DACH2: variants seen among roughly 807,000 people sequenced by gnomAD.
The protein encoded by DACH2 is dachshund family transcription factor 2, also known as dachshund homolog 2.
A neutral mutation model predicts 35.8 loss-of-function variants in DACH2; 17 were observed. The ratio of observed to expected loss-of-function variants is 0.48; its 90% CI spans 0.33 to 0.71. The LOEUF is 0.71. Ranked by LOEUF, DACH2 falls within the 30% of genes least tolerant of loss-of-function variation. DACH2 has a pLI of 0.02. For missense variants in DACH2, 469 were observed against 472.7 expected (o/e 0.99, Z 0.07); for synonymous variants, 195 against 177.3 (o/e 1.10, Z -0.79).
chrX:86,207,349 TGCATCATATTGCTTTG>T (rs746841124), intron 1 of DACH2, among the ~76,000 whole-genome samples: 7 of 111,392 alleles, frequency 6.3e-5, no homozygotes, highest in Non-Finnish European at 1.1e-4. Context: ...TGCAAATCTA[TGCATCATATTGCTTTG>T]GCACTGGTGC....
At chrX:86,638,833 A>G (rs936536023) in intron 3 of DACH2, among the ~76,000 whole-genome samples, 1 of 112,298 alleles carries the variant, frequency 8.9e-6, no homozygotes, top group Non-Finnish European at 1.9e-5. Context: ...AGTACGATCT[A>G]TATGGAAACA....
At chrX:86,692,138 A>G (rs777437196) in intron 4 of DACH2, among the ~76,000 whole-genome samples, 9 of 111,910 alleles carry the variant, frequency 8.0e-5, no homozygotes, top group African/African-American at 2.9e-4. Flanking sequence ...CGCTCGATTC[A>G]TATACAGTTG....
chrX:86,329,069 G>A (rs2035165424), intron 1 of DACH2, among the ~76,000 whole-genome samples: 1 of 111,345 alleles, frequency 9.0e-6, no homozygotes, highest in Admixed American at 9.6e-5. Flanking sequence ...TGTGCGGATG[G>A]GGAGGGGTAT....
chrX:86,407,316 C>T (rs1187264177), intron 2 of DACH2, among the ~76,000 whole-genome samples: 1 of 111,710 alleles, frequency 9.0e-6, no homozygotes, highest in Admixed American at 9.5e-5. Flanking sequence ...GAAAAGGATA[C>T]TAATATTACC....
chrX:86,311,744 C>T (rs188364627), intron 1 of DACH2, among the ~76,000 whole-genome samples: 23 of 111,266 alleles, frequency 2.1e-4, no homozygotes, highest in Non-Finnish European at 4.1e-4. Context: ...AAGTTCGGCA[C>T]CTGGACACTT....
intron 1 of DACH2, among the ~76,000 whole-genome samples, chrX:86,195,456 G>A (rs781215420): frequency 1.3e-4 from 14 of 110,981 alleles, no homozygotes; most frequent in South Asian, 7.8e-4. Context: ...CACTACCAGC[G>A]TGACCTCACA....
chrX:86,294,550 C>A (rs111927453), intron 1 of DACH2, among the ~76,000 whole-genome samples: 1 of 108,578 alleles, frequency 9.2e-6, no homozygotes, highest in African/African-American at 3.3e-5. Context: ...CCCATCTTTG[C>A]GGTTTTTCCT....
intron 3 of DACH2, among the ~76,000 whole-genome samples, chrX:86,518,437 C>T (rs777428436): frequency 9.0e-6 from 1 of 111,586 alleles, no homozygotes; most frequent in Non-Finnish European, 1.9e-5. Context: ...ATGAAGAATG[C>T]CATTGGTAGT....
chrX:86,386,775 C>T (rs1008141442), intron 2 of DACH2, among the ~76,000 whole-genome samples: 1 of 111,189 alleles, frequency 9.0e-6, no homozygotes, highest in Non-Finnish European at 1.9e-5. Flanking sequence ...GTTCCAGACT[C>T]ATCTTGTATA....
At chrX:86,309,042 G>A (rs1313207160) in intron 1 of DACH2, among the ~76,000 whole-genome samples, 3 of 111,388 alleles carry the variant, frequency 2.7e-5, no homozygotes, top group Non-Finnish European at 3.8e-5. Flanking sequence ...GGTGGGAGAG[G>A]CCAAATGGAA....
At chrX:86,472,490 G>T (rs952947673) in intron 2 of DACH2, among the ~76,000 whole-genome samples, 4 of 111,712 alleles carry the variant, frequency 3.6e-5, no homozygotes, top group African/African-American at 9.7e-5. Context: ...ATAAATTTGT[G>T]TTGTTGTAGT....
chrX:86,566,886 T>A (rs1420501494), intron 3 of DACH2, among the ~76,000 whole-genome samples: 1 of 111,899 alleles, frequency 8.9e-6, no homozygotes, highest in Non-Finnish European at 1.9e-5. Flanking sequence ...TCAGATAAAT[T>A]TAAATGAAAG....
intron 1 of DACH2, among the ~76,000 whole-genome samples, chrX:86,315,499 A>T (rs751052240): frequency 3.6e-5 from 4 of 111,608 alleles, no homozygotes; most frequent in Non-Finnish European, 7.5e-5. Context: ...TACATTTTGT[A>T]AGGCTATAGC....
rs1486833596 is a variant in DACH2 at position 86,437,202 on chromosome X, A to G, written c.527+60340A>G. ...TTTACATATTTATGGGGTACATATT[A>G]TATTTTGTTACATGCATAGAAGGTG... On this transcript the variant is annotated intron_variant, in intron 2 of 11. Coordinates refer to ENST00000373125, the MANE Select transcript of DACH2 (RefSeq NM_053281.3). Among the ~76,000 whole-genome samples the G allele has an allele frequency of 4.5e-5, 5 of 111,300 alleles. No individual in the cohort carries two copies. In the East Asian group the frequency reaches 1.4e-3, roughly 31 times the overall value.
intron 1 of DACH2, among the ~76,000 whole-genome samples, chrX:86,288,756 T>C (rs1334573084): frequency 1.8e-5 from 2 of 111,485 alleles, no homozygotes; most frequent in Non-Finnish European, 3.8e-5. Flanking sequence ...TTGAATACTC[T>C]GACTTTGGAC....
chrX:86,331,831 C>T (rs987412906), intron 1 of DACH2, among the ~76,000 whole-genome samples: 4 of 111,090 alleles, frequency 3.6e-5, no homozygotes, highest in Non-Finnish European at 7.6e-5. Flanking sequence ...AGGATGTTAC[C>T]CTTCAGCAAC....
intron 9 of DACH2, among the ~76,000 whole-genome samples, chrX:86,813,561 G>A (rs149138446): frequency 1.9e-5 from 2 of 107,394 alleles, no homozygotes; most frequent in African/African-American, 6.8e-5. Context: ...GCAGTAAGCC[G>A]AAATTGTGCC....
intron 1 of DACH2, among the ~76,000 whole-genome samples, chrX:86,153,417 A>G (rs141350683): frequency 1.1e-3 from 124 of 111,382 alleles, no homozygotes; most frequent in African/African-American, 4.0e-3. Context: ...TGAGCGCTCA[A>G]TGAGTTTGGC....
At chrX:86,649,617 C>T (rs1170731879) in intron 3 of DACH2, among the ~76,000 whole-genome samples, 1 of 110,942 alleles carries the variant, frequency 9.0e-6, no homozygotes, top group African/African-American at 3.3e-5. Flanking sequence ...AAGGAAATTT[C>T]CCTTCAGATT....
Sources: allele counts gnomAD v4.1 joint callset (sites outside exome capture counted in the v4.1 genomes callset), GRCh38; gene constraint gnomAD v4.1.1; transcripts MANE v1.5; gene names NCBI Gene and HGNC (gene_info 2026-07-23, HGNC 2026-07-21).